Variants in SLC6A17 observed in about 807,000 individuals in gnomAD.
SLC6A17 encodes solute carrier family 6 member 17, also known as sodium-dependent neutral amino acid transporter SLC6A17.
Under a neutral mutation model 64.5 loss-of-function variants are expected in SLC6A17, and 21 were observed. That is an observed-to-expected ratio of 0.33 (90% CI 0.23 to 0.47). The LOEUF (loss-of-function observed/expected upper bound fraction) is 0.47. Ranked by LOEUF, SLC6A17 falls within the 20% of genes least tolerant of loss-of-function variation. SLC6A17 has a pLI of 1.00. For synonymous variants in SLC6A17, 372 were observed against 399.5 expected, an observed-to-expected ratio of 0.93 and a Z score of 0.82; for missense variants, 682 against 963.2, an observed-to-expected ratio of 0.71 and a Z score of 3.86.
At chr1:110,155,400 A>G (rs1018706635) in intron 1 of SLC6A17, among the ~76,000 whole-genome samples, 5 of 152,234 alleles carry the variant, frequency 3.3e-5, no homozygotes, top group African/African-American at 4.8e-5. Flanking sequence ...CTCAGATGCA[A>G]TATGAATTAC....
chr1:110,151,346 A>C (rs1655598385), intron 1 of SLC6A17, among the ~76,000 whole-genome samples: 1 of 152,226 alleles, frequency 6.6e-6, no homozygotes, highest in African/African-American at 2.4e-5. Context: ...TGTGACCTTG[A>C]CAGTAACATT....
At position 110,176,725 on chromosome 1, in the gene SLC6A17, A is replaced by G. The variant is rs756870076; in HGVS notation, c.850A>G (p.Met284Val). The change falls in exon 6 of 12, where the codon ATG becomes GTG. Residue 284 changes from methionine (M) to valine (V), a missense_variant. Physicochemically the swap from Met to Val is conservative, Grantham distance 21 (BLOSUM62 1). Transcript: ENST00000331565. ...LRGAVDGILH[M>V]FTPKLDKMLD... Reference sequence around the variant, plus strand: ...AGGGGCAGTTGATGGCATCCTACACATGTTCACTCCCAAGGTAAGGGTTTG... The same window carrying G: ...AGGGGCAGTTGATGGCATCCTACACGTGTTCACTCCCAAGGTAAGGGTTTG... The G allele has an allele frequency of 3.7e-6, 6 of 1,613,614 alleles. No homozygotes were observed. The highest frequency in any genetic ancestry group is 3.3e-5 in the Admixed American group (2 of 59,988).
intron 6 of SLC6A17, among the ~76,000 whole-genome samples, chr1:110,187,279 A>G (rs1656710568): frequency 1.3e-5 from 2 of 152,206 alleles, no homozygotes; most frequent in Admixed American, 6.5e-5. Flanking sequence ...AGGTTCAGAG[A>G]CTCCAGTGCA....
intron 2 of SLC6A17, among the ~76,000 whole-genome samples, chr1:110,169,117 CT>C (rs1476234718): frequency 6.6e-6 from 1 of 152,178 alleles, no homozygotes; most frequent in Non-Finnish European, 1.5e-5. Context: ...AAGGAGACAG[CT>C]GTTTGGTCTG....
At chr1:110,182,636 G>A (rs181331805) in intron 6 of SLC6A17, among the ~76,000 whole-genome samples, 18 of 148,340 alleles carry the variant, frequency 1.2e-4, no homozygotes, top group African/African-American at 4.2e-4. Flanking sequence ...AGAGAGACAG[G>A]CAGGCCGACA....
chr1:110,163,185 C>T (rs1456891942), intron 1 of SLC6A17, among the ~76,000 whole-genome samples: 1 of 151,994 alleles, frequency 6.6e-6, no homozygotes, highest in Non-Finnish European at 1.5e-5. Flanking sequence ...GGGACCTTTG[C>T]CTGGCTTCCT....
chr1:110,177,809 T>A (rs1351289862), intron 6 of SLC6A17: 1 of 152,246 alleles, frequency 6.6e-6, no homozygotes, highest in Non-Finnish European at 1.5e-5. Flanking sequence ...AGAACCCAGA[T>A]CTGATAGGGT....
chr1:110,194,984 C>T (rs1029604105), intron 9 of SLC6A17: 17 of 640,740 alleles, frequency 2.7e-5, no homozygotes, highest in East Asian at 5.7e-5. Context: ...AAACATGAGC[C>T]GGGAGGCCTG....
At chr1:110,185,837 A>C (rs4839223) in intron 6 of SLC6A17, among the ~76,000 whole-genome samples, 1 of 152,006 alleles carries the variant, frequency 6.6e-6, no homozygotes, top group African/African-American at 2.4e-5. Context: ...GCCAGGCTCA[A>C]TTTACCCCCA....
intron 1 of SLC6A17, among the ~76,000 whole-genome samples, chr1:110,163,840 A>G (rs755490088): frequency 1.6e-4 from 24 of 152,070 alleles, no homozygotes; most frequent in Non-Finnish European, 3.2e-4. Context: ...TCGCTCTGCC[A>G]ATGCTCTTTC....
intron 6 of SLC6A17, among the ~76,000 whole-genome samples, chr1:110,180,651 A>G (rs921171900): frequency 1.3e-5 from 2 of 152,158 alleles, no homozygotes; most frequent in South Asian, 2.1e-4. Flanking sequence ...GACTGTTTTC[A>G]GCACAGGATT....
chr1:110,168,159 TG>T, intron 2 of SLC6A17: 1 of 152,344 alleles, frequency 6.6e-6, no homozygotes, highest in East Asian at 1.9e-4. Flanking sequence ...CCTCTGGTCC[TG>T]GGAAAGTCAA....
At chr1:110,188,262 C>G (rs552760128) in intron 6 of SLC6A17, among the ~76,000 whole-genome samples, 2 of 152,174 alleles carry the variant, frequency 1.3e-5, no homozygotes, top group Non-Finnish European at 2.9e-5. Flanking sequence ...GATAAGGAAC[C>G]GTGGGCCTGT....
intron 1 of SLC6A17, among the ~76,000 whole-genome samples, chr1:110,163,879 A>T (rs545954248): frequency 6.6e-6 from 1 of 151,908 alleles, no homozygotes; most frequent in African/African-American, 2.4e-5. Context: ...CTCAAATGTC[A>T]CTTCCTCAGA....
At chr1:110,188,306 A>G (rs1453500029) in intron 6 of SLC6A17, among the ~76,000 whole-genome samples, 1 of 152,210 alleles carries the variant, frequency 6.6e-6, no homozygotes. Flanking sequence ...ATTTCATCTT[A>G]CTTTAAAAAC....
intron 6 of SLC6A17, among the ~76,000 whole-genome samples, chr1:110,190,554 G>A (rs1656798433): frequency 6.6e-6 from 1 of 152,180 alleles, no homozygotes; most frequent in African/African-American, 2.4e-5. Flanking sequence ...GTTATTTAGG[G>A]CTGTGATATT....
chr1:110,197,971 A>ATCTC, intron 11 of SLC6A17, 105 bp from the exon 12 acceptor site: 9 of 1,494,316 alleles, frequency 6.0e-6, no homozygotes, highest in South Asian at 5.4e-5. Context: ...GGGAGGGGAG[A>ATCTC]GGAGTGGAAG....
In SLC6A17 at chr1:110,195,599, C is replaced by G. The variant is rs1195262462; in HGVS notation, c.1506C>G (p.Val502=). ...GGCTCTCTGTAGTGGGCTGCTGTGT[C>G]TTTGCATTCCTCGTGGGGCTGTTGT... ...PKEMFTVGCC[V]FAFLVGLLFV... Residue 502 remains valine, a synonymous_variant, in exon 10 of 12, where the codon GTC becomes GTG. Coordinates refer to ENST00000331565, the MANE Select transcript of SLC6A17 (RefSeq NM_001010898.4). 1.9e-6 allele frequency: 3 copies of G among 1,614,192 alleles called. No individual in the cohort carries two copies. Among genetic ancestry groups the G allele is most frequent in the Non-Finnish European group, 2.5e-6 (3 of 1,180,038 alleles).
rs565512945 is a variant in SLC6A17, at chr1:110,181,255, T to C, written c.864+4516T>C. Among the ~76,000 whole-genome samples the C allele has an allele frequency of 2.0e-5, 3 of 152,370 alleles. No individual in the cohort carries two copies. In the East Asian group the frequency reaches 5.8e-4, roughly 29 times the overall value. On this transcript the variant is annotated intron_variant, in intron 6 of 11. Coordinates refer to ENST00000331565, the MANE Select transcript of SLC6A17 (RefSeq NM_001010898.4). ...TAACCACCAAAATGTTCAGAGAATG[T>C]TTATCAAAATTACAACTGTTCATAT...
Sources: gnomAD v4.1 joint callset for allele counts (sites outside exome capture counted in the v4.1 genomes callset) on GRCh38, gnomAD v4.1.1 for gene constraint, MANE v1.5 for transcripts, NCBI Gene and HGNC (gene_info 2026-07-23, HGNC 2026-07-21) for gene names.